SYNPR: variants seen among roughly 807,000 people sequenced by gnomAD.
The protein encoded by SYNPR is synaptoporin.
Under a neutral mutation model 32.9 loss-of-function variants are expected in SYNPR, and 23 were observed. The ratio of observed to expected loss-of-function variants is 0.70; its 90% CI spans 0.50 to 0.99. The LOEUF (loss-of-function observed/expected upper bound fraction) is 0.99. Among genes scored for constraint, SYNPR ranks in the 50% least tolerant of loss-of-function variants. The pLI, the probability that SYNPR is intolerant of heterozygous loss-of-function variation, is 0.00. For missense variants in SYNPR, 318 were observed against 349.3 expected, an observed-to-expected ratio of 0.91 and a Z score of 0.71; for synonymous variants, 146 against 135.9, an observed-to-expected ratio of 1.07 and a Z score of -0.52.
At chr3:63,569,856 G>A (rs886698217) in intron 4 of SYNPR, among the ~76,000 whole-genome samples, 5 of 152,146 alleles carry the variant, frequency 3.3e-5, no homozygotes, top group African/African-American at 1.2e-4. Context: ...GCATCCTGGG[G>A]TATCTGCAAT....
chr3:63,576,681 C>A (rs1033739736), intron 4 of SYNPR, among the ~76,000 whole-genome samples: 1 of 151,596 alleles, frequency 6.6e-6, no homozygotes, highest in Non-Finnish European at 1.5e-5. Context: ...GTCCCAGCTA[C>A]TCGGGAAGTT....
At chr3:63,557,069 A>G (rs559507056) in intron 4 of SYNPR, among the ~76,000 whole-genome samples, 1 of 152,308 alleles carries the variant, frequency 6.6e-6, no homozygotes, top group South Asian at 2.1e-4. Context: ...TAGGATGATC[A>G]TATATTAATA....
chr3:63,233,092 G>A (rs1046849782), intron 1 of SYNPR, among the ~76,000 whole-genome samples: 1 of 152,178 alleles, frequency 6.6e-6, no homozygotes, highest in Non-Finnish European at 1.5e-5. Flanking sequence ...ATCTCAAAAT[G>A]TGGTTCAAAG....
chr3:63,271,324 C>A (rs2086534465), intron 3 of SYNPR, among the ~76,000 whole-genome samples: 2 of 152,056 alleles, frequency 1.3e-5, no homozygotes, highest in Non-Finnish European at 2.9e-5. Context: ...CAAAGGAGTC[C>A]ATTTTCTAAT....
At chr3:63,255,592 G>A (rs974680935) in intron 2 of SYNPR, among the ~76,000 whole-genome samples, 2 of 152,216 alleles carry the variant, frequency 1.3e-5, no homozygotes, top group Admixed American at 6.5e-5. Context: ...TGGCAGAGGT[G>A]AGATTAATAA....
Position 63,528,127 on chromosome 3 carries a change from T to G in SYNPR, c.210-28416T>G, listed in dbSNP as rs1317120343. On this transcript the variant is annotated intron_variant, in intron 3 of 5. Coordinates refer to ENST00000478300, the MANE Select transcript of SYNPR (RefSeq NM_001130003.2). ...TAAATGACCTCTCTCTTTTCTTTCT[T>G]TCTCTGAATCAAAAAGCAATCCATG... Among the ~76,000 whole-genome samples the G allele has an allele frequency of 3.9e-5, 6 of 152,210 alleles. No individual in the cohort carries two copies. The East Asian group carries it at 1.2e-3, about 29-fold the overall frequency.
intron 2 of SYNPR, among the ~76,000 whole-genome samples, chr3:63,343,174 A>T (rs966739321): frequency 6.6e-6 from 1 of 152,194 alleles, no homozygotes; most frequent in Non-Finnish European, 1.5e-5. Context: ...CAAGGAATTG[A>T]ATCTGGAGAG....
intron 3 of SYNPR, among the ~76,000 whole-genome samples, chr3:63,536,703 T>C (rs570729748): frequency 6.6e-6 from 1 of 152,248 alleles, no homozygotes; most frequent in African/African-American, 2.4e-5. Context: ...TTATAATAGC[T>C]CAAAATGGAA....
intron 3 of SYNPR, among the ~76,000 whole-genome samples, chr3:63,533,617 T>C (rs1702149218): frequency 6.6e-6 from 1 of 152,128 alleles, no homozygotes; most frequent in Non-Finnish European, 1.5e-5. Flanking sequence ...GGCTGAAAAC[T>C]GGCCTCCAAA....
At chr3:63,349,583 T>G (rs1215900338) in intron 2 of SYNPR, among the ~76,000 whole-genome samples, 1 of 152,260 alleles carries the variant, frequency 6.6e-6, no homozygotes, top group Non-Finnish European at 1.5e-5. Flanking sequence ...TAAATGGGAC[T>G]GCCTTCTCGA....
intron 2 of SYNPR, among the ~76,000 whole-genome samples, chr3:63,389,514 T>C (rs2088104614): frequency 6.6e-6 from 1 of 152,204 alleles, no homozygotes; most frequent in Non-Finnish European, 1.5e-5. Flanking sequence ...TTGGTTTTTA[T>C]TGGCTCACTT....
At chr3:63,507,248 A>ATTTTAG (rs1701606590) in intron 3 of SYNPR, among the ~76,000 whole-genome samples, 1 of 152,182 alleles carries the variant, frequency 6.6e-6, no homozygotes, top group African/African-American at 2.4e-5. Context: ...GGATATTTTA[A>ATTTTAG]CCATATCTGC....
At chr3:63,456,953 T>A (rs1479588369) in intron 2 of SYNPR, among the ~76,000 whole-genome samples, 2 of 151,956 alleles carry the variant, frequency 1.3e-5, no homozygotes, top group Non-Finnish European at 2.9e-5. Flanking sequence ...TCTATCAGAG[T>A]TGGTGGGTCC....
intron 3 of SYNPR, among the ~76,000 whole-genome samples, chr3:63,508,938 C>A (rs950174266): frequency 2.0e-5 from 3 of 152,072 alleles, no homozygotes; most frequent in Non-Finnish European, 4.4e-5. Flanking sequence ...ACTTCCTAGA[C>A]AAAGTCCATG....
At chr3:63,396,887 G>A (rs1396442843) in intron 2 of SYNPR, among the ~76,000 whole-genome samples, 1 of 152,156 alleles carries the variant, frequency 6.6e-6, no homozygotes, top group African/African-American at 2.4e-5. Context: ...GGTGGATCAC[G>A]AGGTCAGGAG....
intron 4 of SYNPR, among the ~76,000 whole-genome samples, chr3:63,591,820 G>T (rs1293344508): frequency 1.6e-5 from 2 of 123,328 alleles, no homozygotes; most frequent in African/African-American, 3.0e-5. Flanking sequence ...GTGGGGGGAG[G>T]GGGGGAGGGA....
chr3:63,258,991 T>C (rs1404273506), intron 2 of SYNPR, among the ~76,000 whole-genome samples: 1 of 152,216 alleles, frequency 6.6e-6, no homozygotes, highest in East Asian at 1.9e-4. Flanking sequence ...GATAAATTCC[T>C]GGACACATAC....
chr3:63,290,363 C>T (rs1470205609), intron 2 of SYNPR, among the ~76,000 whole-genome samples: 1 of 152,160 alleles, frequency 6.6e-6, no homozygotes, highest in Non-Finnish European at 1.5e-5. Flanking sequence ...CTGAAAACAG[C>T]AGGGACAATA....
chr3:63,524,866 TGTGTGAGAGAGA>T (rs1701980934), intron 3 of SYNPR, among the ~76,000 whole-genome samples: 1 of 150,526 alleles, frequency 6.6e-6, no homozygotes, highest in African/African-American at 2.4e-5. Context: ...TGTGTGTGTG[TGTGTGAGAGAGA>T]GAGAGAGAGA....
Sources: gnomAD v4.1 joint callset for allele counts (sites outside exome capture counted in the v4.1 genomes callset) on GRCh38, gnomAD v4.1.1 for gene constraint, MANE v1.5 for transcripts, NCBI Gene and HGNC (gene_info 2026-07-23, HGNC 2026-07-21) for gene names.